Variants in PCDH15 observed in about 807,000 individuals in gnomAD.
The protein encoded by PCDH15 is protocadherin-15.
A neutral mutation model predicts 178.5 loss-of-function variants in PCDH15; 129 were observed. The observed-to-expected ratio is 0.72, with a 90% confidence interval of 0.63 to 0.84. The LOEUF (loss-of-function observed/expected upper bound fraction) is 0.84. Ranked by LOEUF, PCDH15 falls within the 40% of genes least tolerant of loss-of-function variation. The pLI is 0.00. For synonymous variants in PCDH15, 800 were observed against 732.0 expected (o/e 1.09, Z -1.50); for missense variants, 2,230 against 2,099.9 (o/e 1.06, Z -1.21).
intron 32 of PCDH15, chr10:53,823,157 A>G (rs1182308307): frequency 6.2e-7 from 1 of 1,613,936 alleles, no homozygotes; most frequent in Non-Finnish European, 8.5e-7. Flanking sequence ...GATTATGGGC[A>G]CTTAAGTCAT....
intron 2 of PCDH15, among the ~76,000 whole-genome samples, chr10:54,622,854 T>C (rs891984074): frequency 7.0e-6 from 1 of 142,822 alleles, no homozygotes; most frequent in African/African-American, 2.6e-5. Context: ...TCCTTTCTGT[T>C]TCTATTGCCA....
At chr10:54,781,893 T>C (rs993540740) in intron 1 of PCDH15, among the ~76,000 whole-genome samples, 2 of 152,168 alleles carry the variant, frequency 1.3e-5, no homozygotes, top group Admixed American at 6.5e-5. Context: ...GTACTATGCG[T>C]TTACATTTAG....
intron 2 of PCDH15, among the ~76,000 whole-genome samples, chr10:54,985,715 C>G (rs892580080): frequency 1.3e-5 from 2 of 152,146 alleles, no homozygotes; most frequent in African/African-American, 4.8e-5. Flanking sequence ...ATTCAAAATT[C>G]AAAGTAAAGT....
chr10:55,320,645 C>G (rs1843867887), upstream of PCDH15, among the ~76,000 whole-genome samples: 1 of 151,882 alleles, frequency 6.6e-6, no homozygotes. Flanking sequence ...CTGATGCCAC[C>G]CCCCCCAGAA....
At chr10:54,893,838 G>C (rs572892830) in intron 3 of PCDH15, among the ~76,000 whole-genome samples, 4 of 152,116 alleles carry the variant, frequency 2.6e-5, no homozygotes, top group South Asian at 4.1e-4. Context: ...GTTCTTCACA[G>C]GTTCTTAGAA....
intron 2 of PCDH15, among the ~76,000 whole-genome samples, chr10:55,481,802 T>C (rs1589068189): frequency 6.6e-6 from 1 of 151,820 alleles, no homozygotes; most frequent in African/African-American, 2.4e-5. Flanking sequence ...GAGAAGATTG[T>C]ATATTCTGTT....
intron 1 of PCDH15, among the ~76,000 whole-genome samples, chr10:55,273,913 A>C (rs1377593753): frequency 8.9e-6 from 1 of 111,762 alleles, no homozygotes; most frequent in African/African-American, 3.2e-5. Flanking sequence ...AGTTAAGTGT[A>C]AAAGTTAACA....
At chr10:55,309,085 T>G (rs1843508539) in intron 1 of PCDH15, among the ~76,000 whole-genome samples, 1 of 152,218 alleles carries the variant, frequency 6.6e-6, no homozygotes, top group Non-Finnish European at 1.5e-5. Context: ...CTCAGACATA[T>G]TTCACCTTTC....
intron 2 of PCDH15, among the ~76,000 whole-genome samples, chr10:55,362,134 G>A (rs558839010): frequency 1.8e-4 from 28 of 152,028 alleles, no homozygotes; most frequent in African/African-American, 6.7e-4. Flanking sequence ...TTTCATGATG[G>A]AAAAATAGGC....
chr10:55,567,878 C>A (rs936463388), intron 2 of PCDH15, among the ~76,000 whole-genome samples: 1 of 151,630 alleles, frequency 6.6e-6, no homozygotes, highest in Admixed American at 6.6e-5. Context: ...CCAGCCCATA[C>A]CCATTTAGGA....
At chr10:53,807,583 A>G (rs1841277840) in intron 37 of PCDH15, among the ~76,000 whole-genome samples, 4 of 152,086 alleles carry the variant, frequency 2.6e-5, no homozygotes, top group Admixed American at 2.6e-4. Flanking sequence ...CATCATTCTA[A>G]TTTTTAATGT....
intron 2 of PCDH15, among the ~76,000 whole-genome samples, chr10:55,589,584 C>T (rs1842797086): frequency 6.6e-6 from 1 of 151,974 alleles, no homozygotes; most frequent in Admixed American, 6.6e-5. Flanking sequence ...GGCTAATATC[C>T]AGAATCTACA....
chr10:54,559,684 G>A (rs749325558), intron 2 of PCDH15, among the ~76,000 whole-genome samples: 2 of 151,736 alleles, frequency 1.3e-5, no homozygotes, highest in Non-Finnish European at 2.9e-5. Context: ...GACCACAAAT[G>A]AGAAATACCA....
chr10:54,834,192 AC>A (rs1403151973), intron 3 of PCDH15, among the ~76,000 whole-genome samples: 1 of 149,560 alleles, frequency 6.7e-6, no homozygotes, highest in Non-Finnish European at 1.5e-5. Context: ...TGTTTTTACT[AC>A]CTTTTTTTTT....
At chr10:55,463,444 A>T (rs2132095402) in intron 2 of PCDH15, among the ~76,000 whole-genome samples, 1 of 152,234 alleles carries the variant, frequency 6.6e-6, no homozygotes, top group East Asian at 1.9e-4. Context: ...CCAGCAGTTC[A>T]AGACCAATCT....
intron 25 of PCDH15, among the ~76,000 whole-genome samples, chr10:53,912,856 G>T (rs1007273767): frequency 6.6e-6 from 1 of 152,100 alleles, no homozygotes; most frequent in Non-Finnish European, 1.5e-5. Context: ...TGTGAAAATG[G>T]CCATACTGCC....
intron 2 of PCDH15, among the ~76,000 whole-genome samples, chr10:55,146,934 G>A (rs547658969): frequency 1.3e-5 from 2 of 151,264 alleles, no homozygotes; most frequent in South Asian, 4.2e-4. Context: ...GTGGCGGGGT[G>A]GGGGGAAGAC....
At chr10:54,320,232 A>T (rs1362629810) in intron 7 of PCDH15, among the ~76,000 whole-genome samples, 1 of 152,090 alleles carries the variant, frequency 6.6e-6, no homozygotes, top group Non-Finnish European at 1.5e-5. Context: ...GTTTATGAAA[A>T]TGAAGAAAAA....
intron 14 of PCDH15, among the ~76,000 whole-genome samples, chr10:54,146,887 T>TATATATATA (rs1214465845): frequency 5.9e-4 from 38 of 63,998 alleles, no homozygotes; most frequent in South Asian, 5.7e-3. Flanking sequence ...ATATATAGTG[T>TATATATATA]GTGTATACAT....
Sources: allele counts gnomAD v4.1 joint callset (sites outside exome capture counted in the v4.1 genomes callset), GRCh38; gene constraint gnomAD v4.1.1; transcripts MANE v1.5; gene names NCBI Gene and HGNC (gene_info 2026-07-23, HGNC 2026-07-21).